ADAM10: variants seen among roughly 807,000 people sequenced by gnomAD.
The protein encoded by ADAM10 is disintegrin and metalloproteinase domain-containing protein 10.
ADAM10 carries 17 observed loss-of-function variants against 90.1 expected under a neutral mutation model. That is an observed-to-expected ratio of 0.19 (90% CI 0.13 to 0.28). The LOEUF is 0.28. Among genes scored for constraint, ADAM10 ranks in the 10% least tolerant of loss-of-function variants. ADAM10 has a pLI of 1.00. For synonymous variants in ADAM10, 310 were observed against 298.6 expected, an observed-to-expected ratio of 1.04 and a Z score of -0.40; for missense variants, 610 against 914.3, an observed-to-expected ratio of 0.67 and a Z score of 4.29.
intron 2 of ADAM10, among the ~76,000 whole-genome samples, chr15:58,698,800 C>T (rs1043107513): frequency 2.0e-5 from 3 of 152,004 alleles, no homozygotes; most frequent in Non-Finnish European, 4.4e-5. Context: ...CATGTAGACA[C>T]TATAAAGTGA....
At chr15:58,689,946 C>CAA (rs1480266414) in intron 2 of ADAM10, among the ~76,000 whole-genome samples, 11 of 126,562 alleles carry the variant, frequency 8.7e-5, no homozygotes, top group African/African-American at 3.2e-4. Flanking sequence ...AAAGACAGAC[C>CAA]CCCCCCAAAA....
intron 2 of ADAM10, among the ~76,000 whole-genome samples, chr15:58,690,943 T>C (rs897283549): frequency 1.3e-5 from 2 of 152,238 alleles, no homozygotes; most frequent in East Asian, 1.9e-4. Context: ...ACCGGGTCAC[T>C]GACAGCCTCG....
At chr15:58,668,897 T>C (rs1454689030) in intron 4 of ADAM10, among the ~76,000 whole-genome samples, 2 of 152,158 alleles carry the variant, frequency 1.3e-5, no homozygotes, top group Admixed American at 6.6e-5. Context: ...TAACCTCCTT[T>C]TAGCCTTCAT....
At chr15:58,692,669 C>A (rs775289618) in intron 2 of ADAM10, 2 of 561,446 alleles carry the variant, frequency 3.6e-6, no homozygotes, top group East Asian at 4.8e-5. Context: ...ACTTTGGTAT[C>A]CCTGTCAATG....
At chr15:58,633,629 T>C (rs1027141780) in intron 8 of ADAM10, among the ~76,000 whole-genome samples, 12 of 152,184 alleles carry the variant, frequency 7.9e-5, no homozygotes, top group Non-Finnish European at 5.9e-5. Flanking sequence ...CCCCAAATGT[T>C]ATTCCCATTA....
At chr15:58,691,930 C>G in intron 2 of ADAM10, 1 of 388,740 alleles carries the variant, frequency 2.6e-6, no homozygotes, top group South Asian at 1.9e-5. Flanking sequence ...CCCGCCTCAG[C>G]CTCCCAAAGT....
chr15:58,718,696 T>G (rs903458776), intron 1 of ADAM10, among the ~76,000 whole-genome samples: 25 of 152,120 alleles, frequency 1.6e-4, no homozygotes, highest in Non-Finnish European at 2.5e-4. Flanking sequence ...AATCTAATCT[T>G]TTGGGATGAT....
chr15:58,628,296 CAAAA>C (rs1896004154), intron 9 of ADAM10, among the ~76,000 whole-genome samples: 2 of 151,988 alleles, frequency 1.3e-5, no homozygotes, highest in Non-Finnish European at 2.9e-5. Flanking sequence ...TGGGGAAAGA[CAAAA>C]GAATCAAGAG....
At chr15:58,739,466 G>A (rs1300400140) in intron 1 of ADAM10, among the ~76,000 whole-genome samples, 3 of 152,064 alleles carry the variant, frequency 2.0e-5, no homozygotes, top group East Asian at 1.9e-4. Context: ...GCAGTGAGCC[G>A]AGATAGCACC....
intron 2 of ADAM10, among the ~76,000 whole-genome samples, chr15:58,701,827 C>A (rs1458027475): frequency 6.6e-6 from 1 of 151,800 alleles, no homozygotes; most frequent in Non-Finnish European, 1.5e-5. Context: ...ATAATAAGGC[C>A]CGGAGCAGTG....
intron 7 of ADAM10, among the ~76,000 whole-genome samples, chr15:58,643,466 C>T (rs1296763252): frequency 6.6e-6 from 1 of 152,126 alleles, no homozygotes; most frequent in Non-Finnish European, 1.5e-5. Flanking sequence ...TATTTAAACA[C>T]TGTATTTATC....
At chr15:58,604,922 G>C (rs954542735) in intron 14 of ADAM10, among the ~76,000 whole-genome samples, 3 of 152,054 alleles carry the variant, frequency 2.0e-5, no homozygotes, top group Non-Finnish European at 4.4e-5. Context: ...TTATTTATTT[G>C]CACACACAGG....
intron 2 of ADAM10, chr15:58,704,261 A>C (rs1435471843): frequency 6.6e-6 from 1 of 152,250 alleles, no homozygotes; most frequent in Non-Finnish European, 1.5e-5. Context: ...TAGAATAGCA[A>C]ACTCACTGGG....
At chr15:58,692,668 T>A (rs767353192) in intron 2 of ADAM10, 4 of 561,390 alleles carry the variant, frequency 7.1e-6, no homozygotes, top group Non-Finnish European at 1.4e-5. Context: ...CACTTTGGTA[T>A]CCCTGTCAAT....
chr15:58,589,640 A>T lies in ADAM10; in HGVS notation c.*7907T>A, dbSNP rs2140977931. ...TAAGTGAATGGGAGCTGAAGTAGCC[A>T]CTGAGTGTAAATGATTCTCTCGAAA... On this transcript the variant is annotated 3_prime_UTR_variant, in exon 16 of 16. Coordinates refer to ENST00000260408, the MANE Select transcript of ADAM10 (RefSeq NM_001110.4). The T allele has an allele frequency of 6.6e-6, 1 of 152,404 alleles. No individual in the cohort carries two copies. The highest frequency in any genetic ancestry group is 1.9e-4 in the East Asian group (1 of 5,188). 9.4% of individuals were successfully genotyped at this position (152,404 alleles called of 1,614,324 possible).
At chr15:58,640,264 G>T (rs1020679894) in intron 8 of ADAM10, among the ~76,000 whole-genome samples, 32 of 152,108 alleles carry the variant, frequency 2.1e-4, no homozygotes, top group African/African-American at 7.5e-4. Flanking sequence ...CTTTCATGCA[G>T]TGCTTCCCTT....
At position 58,627,697 on chromosome 15, in the gene ADAM10, T is replaced by C. The variant is rs1307213823; in HGVS notation, c.1360+3A>G. 1.9e-6 allele frequency: 3 copies of C among 1,611,214 alleles called. No individual in the cohort carries two copies. The highest frequency in any genetic ancestry group is 2.2e-5 in the South Asian group (2 of 90,980). On this transcript the variant is annotated splice_donor_region_variant and intron_variant, in intron 10 of 15. Transcript: ENST00000260408. ...TAACAAAACGTTAGGAAAATATACATACCAACAAAACAGTTGTTTCTCTTC... is the reference window on the plus strand; with the variant it reads ...TAACAAAACGTTAGGAAAATATACACACCAACAAAACAGTTGTTTCTCTTC...
intron 1 of ADAM10, among the ~76,000 whole-genome samples, chr15:58,719,376 T>C (rs1193319874): frequency 2.0e-5 from 3 of 152,164 alleles, no homozygotes; most frequent in Non-Finnish European, 4.4e-5. Flanking sequence ...CCTTGTTTCC[T>C]TTCATGCAGG....
At chr15:58,709,826 T>C (rs1240050381) in intron 2 of ADAM10, among the ~76,000 whole-genome samples, 2 of 152,102 alleles carry the variant, frequency 1.3e-5, no homozygotes, top group African/African-American at 4.8e-5. Context: ...AGGAAACAAT[T>C]TCTCCAAAGA....
Sources: allele counts gnomAD v4.1 joint callset (sites outside exome capture counted in the v4.1 genomes callset), GRCh38; gene constraint gnomAD v4.1.1; transcripts MANE v1.5; gene names NCBI Gene and HGNC (gene_info 2026-07-23, HGNC 2026-07-21).